PBX3: variants seen among roughly 807,000 people sequenced by gnomAD.
PBX3 encodes the protein pre-B-cell leukemia transcription factor 3.
Under a neutral mutation model 48.5 loss-of-function variants are expected in PBX3, and 14 were observed. That is an observed-to-expected ratio of 0.29 (90% confidence interval 0.19 to 0.45). PBX3 has a LOEUF of 0.45. Ranked by LOEUF, PBX3 falls within the 20% of genes least tolerant of loss-of-function variation. The pLI is 1.00. For missense variants in PBX3, 386 were observed against 546.7 expected (o/e 0.71, Z 2.93); for synonymous variants, 210 against 200.3 (o/e 1.05, Z -0.41).
intron 5 of PBX3, among the ~76,000 whole-genome samples, chr9:125,954,652 C>T (rs1842264229): frequency 6.6e-6 from 1 of 152,168 alleles, no homozygotes; most frequent in Non-Finnish European, 1.5e-5. Flanking sequence ...TCCCCTGCCC[C>T]AGCCTCCTGA....
At chr9:125,936,655 A>C (rs555451899) in intron 5 of PBX3, among the ~76,000 whole-genome samples, 43 of 152,318 alleles carry the variant, frequency 2.8e-4, no homozygotes, top group Non-Finnish European at 5.6e-4. Flanking sequence ...GATGATTTCC[A>C]GCTCCTCTTT....
Position 125,942,363 on chromosome 9 carries a change from G to A in PBX3, c.843+6756G>A, listed in dbSNP as rs193296714. Among the ~76,000 whole-genome samples the A allele has an allele frequency of 1.8e-3, 275 of 152,240 alleles. 1 individual carries two copies. Among genetic ancestry groups the A allele is most frequent in the Non-Finnish European group, 3.2e-3 (215 of 68,026 alleles). On this transcript the variant is annotated intron_variant, in intron 5 of 8. Transcript: ENST00000373489. ...ATCACTAGGGCTGCATCATTTTCCC[G>A]CTAAGCTACTTTAGAGACTCTGGGC... is the stretch of plus-strand genomic sequence containing the variant.
intron 3 of PBX3, among the ~76,000 whole-genome samples, chr9:125,920,149 CAG>C (rs1208419004): frequency 6.6e-6 from 1 of 152,190 alleles, no homozygotes; most frequent in Non-Finnish European, 1.5e-5. Context: ...TGACACCCAG[CAG>C]GAATATGATA....
At chr9:125,780,603 C>T (rs1327690813) in intron 2 of PBX3, among the ~76,000 whole-genome samples, 19 of 128,356 alleles carry the variant, frequency 1.5e-4, no homozygotes, top group Middle Eastern at 7.2e-3. Flanking sequence ...GCAGAGGCGC[C>T]CCTCACCTCC....
intron 2 of PBX3, among the ~76,000 whole-genome samples, chr9:125,782,370 T>A (rs1324651273): frequency 6.6e-6 from 1 of 152,200 alleles, no homozygotes; most frequent in Non-Finnish European, 1.5e-5. Flanking sequence ...ATGTGGGAAT[T>A]CAAGATGAGA....
intron 2 of PBX3, among the ~76,000 whole-genome samples, chr9:125,793,051 A>G (rs1246073068): frequency 6.6e-6 from 1 of 151,876 alleles, no homozygotes; most frequent in Non-Finnish European, 1.5e-5. Flanking sequence ...ACAATTTGAT[A>G]AGTTTTAAAA....
intron 2 of PBX3, among the ~76,000 whole-genome samples, chr9:125,780,168 G>A (rs1477154270): frequency 1.5e-5 from 2 of 135,054 alleles, no homozygotes; most frequent in African/African-American, 5.7e-5. Context: ...CCTCCCGGAC[G>A]GGGCGGCTGG....
chr9:125,906,156 GA>G (rs1171425373), intron 2 of PBX3, among the ~76,000 whole-genome samples: 18 of 152,102 alleles, frequency 1.2e-4, no homozygotes, highest in Admixed American at 9.8e-4. Flanking sequence ...AAATCATGTG[GA>G]AAGTCTAGTA....
rs80195672 is a variant in PBX3, at chr9:125,782,702, C to T, written c.274+34079C>T. The stretch of plus-strand genomic sequence containing the variant: ...TGTTTAGTGTCCTTTTATTTCAGCC[C>T]GAAGGACCCTTTTTAGCATTTCTTG... On this transcript the variant is annotated intron_variant, in intron 2 of 8. Transcript: ENST00000373489. 8.0e-4 allele frequency among the ~76,000 whole-genome samples: 121 copies of T among 152,182 alleles called. 1 individual carries two copies. Among genetic ancestry groups the T allele is most frequent in the South Asian group, 7.9e-3 (38 of 4,818 alleles).
chr9:125,925,966 A>C (rs117152214), intron 3 of PBX3, among the ~76,000 whole-genome samples: 4 of 152,312 alleles, frequency 2.6e-5, no homozygotes, highest in Non-Finnish European at 5.9e-5. Flanking sequence ...ATTCCCAAAC[A>C]TATCATATTG....
intron 2 of PBX3, among the ~76,000 whole-genome samples, chr9:125,758,033 A>G (rs1331615945): frequency 6.6e-6 from 1 of 152,216 alleles, no homozygotes; most frequent in Non-Finnish European, 1.5e-5. Context: ...ACCACTTGTT[A>G]CAGCAGTGAT....
intron 2 of PBX3, among the ~76,000 whole-genome samples, chr9:125,820,849 A>T (rs896067490): frequency 1.3e-5 from 2 of 152,186 alleles, no homozygotes; most frequent in Non-Finnish European, 2.9e-5. Flanking sequence ...CTTGAAATAT[A>T]ATTATGAGTT....
At chr9:125,907,731 G>C (rs1164375677) in intron 2 of PBX3, among the ~76,000 whole-genome samples, 1 of 152,096 alleles carries the variant, frequency 6.6e-6, no homozygotes, top group Non-Finnish European at 1.5e-5. Context: ...TAGTTGCAAA[G>C]TGAATTTAAA....
At chr9:125,909,864 G>A (rs1278605615) in intron 2 of PBX3, among the ~76,000 whole-genome samples, 1 of 152,058 alleles carries the variant, frequency 6.6e-6, no homozygotes, top group Admixed American at 6.6e-5. Context: ...GCTTTCCATC[G>A]AACCCCTAAT....
intron 5 of PBX3, among the ~76,000 whole-genome samples, chr9:125,943,173 C>G (rs896884212): frequency 6.6e-6 from 1 of 151,606 alleles, no homozygotes; most frequent in East Asian, 1.9e-4. Context: ...TCAAGACCAC[C>G]TGGGCAACCT....
At chr9:125,914,799 C>G (rs1841288760) in intron 2 of PBX3, among the ~76,000 whole-genome samples, 3 of 152,194 alleles carry the variant, frequency 2.0e-5, no homozygotes, top group African/African-American at 7.2e-5. Context: ...GACTCCAATG[C>G]TTTTTATACC....
chr9:125,861,100 A>G (rs1839853219), intron 2 of PBX3, among the ~76,000 whole-genome samples: 2 of 152,026 alleles, frequency 1.3e-5, no homozygotes, highest in African/African-American at 4.8e-5. Flanking sequence ...AGCCTGGGCA[A>G]CATGGTGAAA....
At chr9:125,835,402 C>G (rs1030183755) in intron 2 of PBX3, among the ~76,000 whole-genome samples, 7 of 151,974 alleles carry the variant, frequency 4.6e-5, no homozygotes, top group Admixed American at 3.3e-4. Flanking sequence ...TACTGACTTG[C>G]AAGAGTCAAA....
At chr9:125,762,748 A>G (rs1836703064) in intron 2 of PBX3, among the ~76,000 whole-genome samples, 2 of 152,244 alleles carry the variant, frequency 1.3e-5, no homozygotes, top group Admixed American at 6.5e-5. Flanking sequence ...CTGCCTGCCA[A>G]CAGGCAACCA....
Sources: allele counts gnomAD v4.1 joint callset (sites outside exome capture counted in the v4.1 genomes callset), GRCh38; gene constraint gnomAD v4.1.1; transcripts MANE v1.5; gene names NCBI Gene and HGNC (gene_info 2026-07-23, HGNC 2026-07-21).